COL23A1: variants seen among roughly 807,000 people sequenced by gnomAD.
The protein encoded by COL23A1 is collagen type XXIII alpha 1 chain, also known as collagen alpha-1(XXIII) chain.
COL23A1 carries 97 observed loss-of-function variants against 99.3 expected under a neutral mutation model. The ratio of observed to expected loss-of-function variants is 0.98; its 90% CI spans 0.83 to 1.16. The LOEUF is 1.16. Among genes scored for constraint, COL23A1 ranks in the 50% most tolerant of loss-of-function variants. The pLI, the probability that COL23A1 is intolerant of heterozygous loss-of-function variation, is 0.00. For synonymous variants in COL23A1, 320 were observed against 308.2 expected (o/e 1.04, Z -0.40); for missense variants, 762 against 757.4 (o/e 1.01, Z -0.07).
intron 19 of COL23A1, 45 bp downstream of exon 19, chr5:178,249,072 C>T: frequency 6.3e-7 from 1 of 1,589,924 alleles, no homozygotes. Context: ...CACCTCAGGG[C>T]TTCCACACAG....
At chr5:178,552,374 G>A (rs1246513873) in intron 2 of COL23A1, among the ~76,000 whole-genome samples, 6 of 152,130 alleles carry the variant, frequency 3.9e-5, no homozygotes, top group Middle Eastern at 3.4e-3. Flanking sequence ...GAGTATTCTC[G>A]TGCCCCCCAA....
chr5:178,583,406 A>G (rs937921280), intron 1 of COL23A1, among the ~76,000 whole-genome samples: 19 of 152,094 alleles, frequency 1.2e-4, no homozygotes, highest in African/African-American at 2.4e-5. Context: ...TTCTTCCAAT[A>G]ACACCACTCC....
At chr5:178,418,320 C>T (rs1478165756) in intron 2 of COL23A1, among the ~76,000 whole-genome samples, 1 of 152,262 alleles carries the variant, frequency 6.6e-6, no homozygotes, top group Non-Finnish European at 1.5e-5. Context: ...TGGGACCTCT[C>T]ATGTGGGCTC....
rs1052499220 is a variant in COL23A1 at position 178,313,814 on chromosome 5, CT to C, written c.362-6896del. Among the ~76,000 whole-genome samples, 6 of 152,094 alleles carry C rather than the reference CT, an allele frequency of 3.9e-5. No individual in the cohort carries two copies. The highest frequency in any genetic ancestry group is 6.5e-5 in the Admixed American group (1 of 15,270). ...CTGGAGCTCTATGAGATTGCTGGGG[CT>C]TCAGGGCCATCAGGGGGTGCACCTT... On this transcript the variant is annotated intron_variant, in intron 2 of 28. Transcript: ENST00000390654. The surrounding 1 kb of genome is among the most constrained non-coding windows in gnomAD (Gnocchi z 4.2).
intron 2 of COL23A1, among the ~76,000 whole-genome samples, chr5:178,490,242 C>CA (rs1455588047): frequency 6.6e-6 from 1 of 151,386 alleles, no homozygotes; most frequent in African/African-American, 2.4e-5. Context: ...AAACAAAAAA[C>CA]AAAAAACAAA....
rs1766043679 is a variant in COL23A1 at position 178,428,002 on chromosome 5, C to T, written c.362-121083G>A. ...GGTTTATTAATTCTAAGGAATGTACCCTCTGGTGGGGGATGTTGATCCCTG... is the reference window on the plus strand; with the variant it reads ...GGTTTATTAATTCTAAGGAATGTACTCTCTGGTGGGGGATGTTGATCCCTG... On this transcript the variant is annotated intron_variant, in intron 2 of 28. Transcript: ENST00000390654. This position sits in a 1 kb window ranked among gnomAD's most constrained non-coding sequence, Gnocchi z 5.0. Among the ~76,000 whole-genome samples the T allele has an allele frequency of 6.6e-6, 1 of 151,912 alleles. No homozygotes were observed. Among genetic ancestry groups the T allele is most frequent in the Non-Finnish European group, 1.5e-5 (1 of 68,008 alleles).
chr5:178,584,247 T>C (rs1763805172), intron 1 of COL23A1, among the ~76,000 whole-genome samples: 2 of 151,392 alleles, frequency 1.3e-5, no homozygotes, highest in Non-Finnish European at 2.9e-5. Context: ...TGACCTCAGG[T>C]GATCCACCCA....
At chr5:178,519,753 T>C (rs542508040) in intron 2 of COL23A1, among the ~76,000 whole-genome samples, 1 of 152,276 alleles carries the variant, frequency 6.6e-6, no homozygotes, top group Non-Finnish European at 1.5e-5. Flanking sequence ...GTGATAAATA[T>C]TGTCTGGTGT....
At chr5:178,500,420 T>C (rs1235968846) in intron 2 of COL23A1, among the ~76,000 whole-genome samples, 3 of 71,976 alleles carry the variant, frequency 4.2e-5, no homozygotes, top group Non-Finnish European at 6.7e-5. Context: ...AGACCCCATC[T>C]CTACAAAAAA....
intron 1 of COL23A1, among the ~76,000 whole-genome samples, chr5:178,581,548 A>C (rs1763659372): frequency 6.6e-6 from 1 of 151,018 alleles, no homozygotes; most frequent in African/African-American, 2.4e-5. Context: ...CCTGGGCGAC[A>C]GAGTGAGATT....
At chr5:178,493,660 A>T (rs756713148) in intron 2 of COL23A1, among the ~76,000 whole-genome samples, 1 of 152,254 alleles carries the variant, frequency 6.6e-6, no homozygotes, top group Non-Finnish European at 1.5e-5. Context: ...TCAAGGAAAG[A>T]GTTTTCTCTG....
chr5:178,239,297 C>T, intron 27 of COL23A1, 118 bp from the exon 28 acceptor site: 1 of 1,109,986 alleles, frequency 9.0e-7, no homozygotes, highest in South Asian at 1.3e-5. Context: ...TGTGAGACTG[C>T]TGGGCCCCAC....
At chr5:178,381,375 C>T (rs2910123) in intron 2 of COL23A1, among the ~76,000 whole-genome samples, 354 of 152,248 alleles carry the variant, frequency 2.3e-3, no homozygotes, top group African/African-American at 7.8e-3. Context: ...ATGGGGATGG[C>T]GAGAAGGCTG....
At chr5:178,510,667 T>C (rs1471970219) in intron 2 of COL23A1, among the ~76,000 whole-genome samples, 1 of 140,732 alleles carries the variant, frequency 7.1e-6, no homozygotes, top group African/African-American at 2.6e-5. Flanking sequence ...TAAAGTACAA[T>C]AATAATAAAA....
chr5:178,528,715 CAGG>C (rs1330767628), intron 2 of COL23A1, among the ~76,000 whole-genome samples: 2 of 152,202 alleles, frequency 1.3e-5, no homozygotes, highest in African/African-American at 2.4e-5. Flanking sequence ...GAGGTTGAGG[CAGG>C]AGAATTGCCT....
chr5:178,439,508 C>T lies in COL23A1; in HGVS notation c.361+121174G>A. The T allele has an allele frequency of 6.6e-6, 1 of 152,400 alleles. No homozygotes were observed. Among genetic ancestry groups the T allele is most frequent in the Non-Finnish European group, 1.5e-5 (1 of 68,092 alleles). 9.4% of individuals were successfully genotyped at this position (152,400 alleles called of 1,614,324 possible). A position where few individuals can be genotyped will look rare whatever the true frequency, so the allele number is the denominator to read the frequency against. On this transcript the variant is annotated intron_variant, in intron 2 of 28. Coordinates refer to ENST00000390654, the MANE Select transcript of COL23A1 (RefSeq NM_173465.4). This position sits in a 1 kb window ranked among gnomAD's most constrained non-coding sequence, Gnocchi z 4.2. ...TTCCCTCTCAGTGACCCTCACCCGGCAGCTGGAGGAATCTTCTGAAGAGCA... is the reference window on the plus strand; with the variant it reads ...TTCCCTCTCAGTGACCCTCACCCGGTAGCTGGAGGAATCTTCTGAAGAGCA...
At chr5:178,317,264 T>A (rs1462397066) in intron 2 of COL23A1, among the ~76,000 whole-genome samples, 1 of 152,236 alleles carries the variant, frequency 6.6e-6, no homozygotes, top group Non-Finnish European at 1.5e-5. Context: ...GACAGACAAC[T>A]CTGGACTCTA....
At chr5:178,523,200 A>ACG (rs2113094763) in intron 2 of COL23A1, among the ~76,000 whole-genome samples, 1 of 76,910 alleles carries the variant, frequency 1.3e-5, no homozygotes, top group African/African-American at 4.8e-5. Flanking sequence ...ATATATATAT[A>ACG]TAGAGAGAGA....
intron 2 of COL23A1, among the ~76,000 whole-genome samples, chr5:178,497,523 T>G (rs1758258467): frequency 6.6e-6 from 1 of 152,046 alleles, no homozygotes; most frequent in African/African-American, 2.4e-5. Context: ...TGGATGAGAG[T>G]CAGGAGAAAC....
Sources: allele counts gnomAD v4.1 joint callset (sites outside exome capture counted in the v4.1 genomes callset), GRCh38; gene constraint gnomAD v4.1.1; non-coding constraint Gnocchi (gnomAD v3.1); transcripts MANE v1.5; gene names NCBI Gene and HGNC (gene_info 2026-07-23, HGNC 2026-07-21).